The following PHF24 variants were observed in gnomAD, a reference collection of about 807,000 sequenced individuals.
The protein encoded by PHF24 is Galpha inhibitory interacting protein.
In PHF24, 25 loss-of-function variants were observed where a neutral mutation model predicts 42.6. The ratio of observed to expected loss-of-function variants is 0.59; its 90% CI spans 0.43 to 0.82. The LOEUF (loss-of-function observed/expected upper bound fraction) is 0.82, where lower values mean the gene tolerates loss of function less well. PHF24 is among the 40% of genes least tolerant of loss of function. The pLI is 0.00. For synonymous variants in PHF24, 185 were observed against 204.8 expected (o/e 0.90, Z 0.83); for missense variants, 470 against 538.1 (o/e 0.87, Z 1.25).
the PHF24 span, among the ~76,000 whole-genome samples, chr9:34,740,198 C>T: frequency 1.3e-5 from 2 of 152,230 alleles, no homozygotes; most frequent in East Asian, 1.9e-4. Context: ...ACCGGGGCTG[C>T]GGGTGGAGCT....
chr9:34,719,242 T>C, the PHF24 span, among the ~76,000 whole-genome samples: 2 of 152,248 alleles, frequency 1.3e-5, no homozygotes, highest in African/African-American at 4.8e-5. Context: ...TTTCACTACG[T>C]TGGCCAGATT....
At chr9:34,780,979 T>G in the PHF24 span, among the ~76,000 whole-genome samples, 1 of 152,042 alleles carries the variant, frequency 6.6e-6, no homozygotes, top group Non-Finnish European at 1.5e-5. Flanking sequence ...CAACAGAAAT[T>G]AACAATTATT....
At chr9:34,972,597 C>G (rs903476654) in intron 3 of PHF24, 66 bp downstream of exon 3, 152 of 1,464,452 alleles carry the variant, frequency 1.0e-4, no homozygotes, top group Non-Finnish European at 1.3e-4. Flanking sequence ...TCTTAGAACA[C>G]TTGATTTTAG....
the PHF24 span, among the ~76,000 whole-genome samples, chr9:34,890,895 A>G: frequency 6.6e-6 from 1 of 151,586 alleles, no homozygotes; most frequent in African/African-American, 2.4e-5. Flanking sequence ...GAACACTTGT[A>G]CGTTATCTAC....
chr9:34,825,047 A>G, the PHF24 span, among the ~76,000 whole-genome samples: 2 of 152,172 alleles, frequency 1.3e-5, no homozygotes, highest in African/African-American at 4.8e-5. Flanking sequence ...AGTTTAGGCT[A>G]GAGCTACATA....
chr9:34,936,134 T>A, the PHF24 span, among the ~76,000 whole-genome samples: 1 of 151,684 alleles, frequency 6.6e-6, no homozygotes, highest in East Asian at 1.9e-4. Flanking sequence ...AGCTGGACTG[T>A]ACTGCCGCCA....
the PHF24 span, among the ~76,000 whole-genome samples, chr9:34,918,822 A>G: frequency 6.6e-6 from 1 of 152,174 alleles, no homozygotes; most frequent in Non-Finnish European, 1.5e-5. Flanking sequence ...TATTAAGATC[A>G]CTTTGCATGA....
At chr9:34,878,147 G>A in the PHF24 span, among the ~76,000 whole-genome samples, 1 of 152,160 alleles carries the variant, frequency 6.6e-6, no homozygotes, top group Admixed American at 6.5e-5. Flanking sequence ...AAGTGTGTAT[G>A]TGGGCCAGTG....
chr9:34,815,952 A>G, the PHF24 span, among the ~76,000 whole-genome samples: 2 of 152,166 alleles, frequency 1.3e-5, no homozygotes, highest in African/African-American at 4.8e-5. Context: ...AGCTGTCTGC[A>G]TATTCCTAGG....
chr9:34,666,064 C>A, the PHF24 span: 1 of 264,350 alleles, frequency 3.8e-6, no homozygotes, highest in Non-Finnish European at 7.4e-6. Flanking sequence ...ACTATTACGT[C>A]ACAGGGATGC....
the PHF24 span, chr9:34,895,167 C>A: frequency 2.5e-6 from 1 of 398,252 alleles, no homozygotes; most frequent in South Asian, 1.3e-4. Context: ...ATAAACATTT[C>A]CTGGTCTTTT....
chr9:34,732,493 C>T, the PHF24 span, among the ~76,000 whole-genome samples: 1 of 151,724 alleles, frequency 6.6e-6, no homozygotes, highest in Non-Finnish European at 1.5e-5. Context: ...TGTTTGAGCT[C>T]CTTATATGTT....
At chr9:34,833,766 T>G in the PHF24 span, 1 of 1,549,614 alleles carries the variant, frequency 6.5e-7, no homozygotes, top group African/African-American at 1.4e-5. Flanking sequence ...CAACTCTCAT[T>G]GTTGCCTTGA....
chr9:34,696,500 A>C, the PHF24 span, among the ~76,000 whole-genome samples: 1 of 151,736 alleles, frequency 6.6e-6, no homozygotes, highest in Non-Finnish European at 1.5e-5. Context: ...AAAAAAAAAA[A>C]AAAAAAAGTT....
chr9:34,970,959 C>T (rs536682497), intron 1 of PHF24, among the ~76,000 whole-genome samples: 12 of 152,226 alleles, frequency 7.9e-5, no homozygotes, highest in South Asian at 2.1e-4. Context: ...TGTCAGAAAT[C>T]GAACCAAAGT....
At chr9:34,884,677 C>A in the PHF24 span, among the ~76,000 whole-genome samples, 1 of 152,228 alleles carries the variant, frequency 6.6e-6, no homozygotes, top group East Asian at 1.9e-4. Context: ...ATAACTGAGC[C>A]CTTGTGTCTG....
intron 1 of PHF24, among the ~76,000 whole-genome samples, chr9:34,959,612 A>C (rs1826518973): frequency 6.6e-6 from 1 of 152,214 alleles, no homozygotes; most frequent in Non-Finnish European, 1.5e-5. Flanking sequence ...GTGGATGAGG[A>C]CAGTTTAACT....
At chr9:34,918,414 A>C in the PHF24 span, 2 of 536,962 alleles carry the variant, frequency 3.7e-6, no homozygotes, top group Admixed American at 6.4e-5. Flanking sequence ...TCTTTAAAAA[A>C]AAAAAAAAAT....
chr9:34,939,163 C>G, the PHF24 span, among the ~76,000 whole-genome samples: 3 of 151,980 alleles, frequency 2.0e-5, no homozygotes, highest in Non-Finnish European at 4.4e-5. Context: ...GCCTGTAATC[C>G]CAGCTACTCG....
Sources: allele counts gnomAD v4.1 joint callset (sites outside exome capture counted in the v4.1 genomes callset), GRCh38; gene constraint gnomAD v4.1.1; transcripts MANE v1.5; gene names NCBI Gene and HGNC (gene_info 2026-07-23, HGNC 2026-07-21).